Variants in MLXIP observed in about 807,000 individuals in gnomAD.
The protein encoded by MLXIP is MLX interacting protein.
In MLXIP, 30 loss-of-function variants were observed where a neutral mutation model predicts 87.2. The observed-to-expected ratio is 0.34, with a 90% CI of 0.26 to 0.47. MLXIP has a LOEUF of 0.47. MLXIP is among the 20% of genes least tolerant of loss of function. MLXIP has a pLI of 1.00. For missense variants in MLXIP, 1,002 were observed against 1,240.1 expected (o/e 0.81, Z 2.88); for synonymous variants, 530 against 514.0 (o/e 1.03, Z -0.42).
intron 1 of MLXIP, among the ~76,000 whole-genome samples, chr12:122,094,669 GGT>G (rs1191856533): frequency 1.4e-5 from 2 of 144,960 alleles, no homozygotes; most frequent in Admixed American, 6.9e-5. Context: ...TGTGTGTGCA[GGT>G]GTGTGTGCGA....
At chr12:122,104,575 C>CTTTTTTTTT (rs751931978) in intron 1 of MLXIP, among the ~76,000 whole-genome samples, 1 of 91,296 alleles carries the variant, frequency 1.1e-5, no homozygotes, top group Non-Finnish European at 2.1e-5. Context: ...ATTACCTTTT[C>CTTTTTTTTT]TTTTTTTTTT....
rs2135990992 is a variant in MLXIP at position 122,137,937 on chromosome 12, C to G, written c.2155-257C>G. Reference sequence around the variant, plus strand: ...GGCTGGGTGGGGAAGGCGGAGCTTGCAGCACCTGGGATGCACCGGTTCAGC... The same window carrying G: ...GGCTGGGTGGGGAAGGCGGAGCTTGGAGCACCTGGGATGCACCGGTTCAGC... On this transcript the variant is annotated intron_variant, in intron 12 of 16. Transcript: ENST00000319080. This position sits in a 1 kb window ranked among gnomAD's most constrained non-coding sequence, Gnocchi z 4.1. 6.6e-6 allele frequency among the ~76,000 whole-genome samples: 1 copy of G among 152,328 alleles called. No individual in the cohort carries two copies. Among genetic ancestry groups the G allele is most frequent in the East Asian group, 1.9e-4 (1 of 5,174 alleles).
At chr12:122,093,381 GGT>G (rs1208431968) in intron 1 of MLXIP, among the ~76,000 whole-genome samples, 35 of 146,390 alleles carry the variant, frequency 2.4e-4, no homozygotes, top group African/African-American at 8.8e-4. Flanking sequence ...TGGTGTGTGT[GGT>G]GTGTGGGTGG....
rs767349201 is a variant in MLXIP at position 122,137,453 on chromosome 12, A to G, written c.2033-16A>G. Reference sequence around the variant, plus strand: ...GGGCCAGGCCTCCGCCCCTCAGAGGAGTCTGTTCTTACCAGGTCGGGACTG... The same window carrying G: ...GGGCCAGGCCTCCGCCCCTCAGAGGGGTCTGTTCTTACCAGGTCGGGACTG... On this transcript the variant is annotated splice_polypyrimidine_tract_variant and intron_variant, in intron 11 of 16. Transcript: ENST00000319080. The surrounding 1 kb of genome is among the most constrained non-coding windows in gnomAD (Gnocchi z 4.1). 2 of 1,611,674 alleles carry G rather than the reference A, an allele frequency of 1.2e-6. No individual in the cohort carries two copies. Among genetic ancestry groups the G allele is most frequent in the Admixed American group, 1.7e-5 (1 of 59,726 alleles).
In MLXIP at chr12:122,139,174, C is replaced by T. The variant is rs1313697022; in HGVS notation, c.2508+236C>T. Among the ~76,000 whole-genome samples, 5 of 152,130 alleles carry T rather than the reference C, an allele frequency of 3.3e-5. No individual in the cohort carries two copies. In the South Asian group the frequency reaches 6.2e-4, roughly 19 times the overall value. ...TGCAGGAAGGGCTAGGGAGGTAGAA[C>T]GGTGGGCTTCGCTCTCTAGGTCCTT... On this transcript the variant is annotated intron_variant, in intron 15 of 16. Coordinates refer to ENST00000319080, the MANE Select transcript of MLXIP (RefSeq NM_014938.6).
At chr12:122,128,142 C>T in intron 3 of MLXIP, 174 bp downstream of exon 3, 2 of 597,868 alleles carry the variant, frequency 3.3e-6, no homozygotes, top group Non-Finnish European at 6.0e-6. Context: ...CTGGCAACCC[C>T]AGGCTGCAGA....
chr12:122,113,724 G>T (rs1203201162), intron 1 of MLXIP, among the ~76,000 whole-genome samples: 1 of 114,692 alleles, frequency 8.7e-6, no homozygotes, highest in Admixed American at 1.3e-4. Flanking sequence ...TCGCTCTGTC[G>T]CCCAGGCTGG....
intron 1 of MLXIP, among the ~76,000 whole-genome samples, chr12:122,080,151 T>C (rs1655885382): frequency 6.6e-6 from 1 of 152,130 alleles, no homozygotes; most frequent in South Asian, 2.1e-4. Flanking sequence ...CTATGAATAT[T>C]AGGTATTTGC....
In MLXIP at chr12:122,137,574, A is replaced by T; in HGVS notation, c.2138A>T (p.Asn713Ile). Residue 713 changes from asparagine to isoleucine, a missense_variant, in exon 12 of 17, where the codon AAT (asparagine) becomes ATT (isoleucine). Physicochemically the swap from Asn to Ile is moderately radical, Grantham distance 149. This residue lies in a region of MLXIP where 746 missense variants were observed against 897.0 expected (regional missense o/e 0.83). Transcript: ENST00000319080. The surrounding 1 kb of genome is among the most constrained non-coding windows in gnomAD (Gnocchi z 4.1). ...NNCSGKSDPK[N>I]VAALKNRQMK... The stretch of plus-strand genomic sequence containing the variant: ...TGCTCAGGGAAATCCGACCCCAAAA[A>T]TGTGGCTGCACTAAAGGTACCGCAT... 1 of 1,613,958 alleles carries T rather than the reference A, an allele frequency of 6.2e-7. No individual in the cohort carries two copies. Among genetic ancestry groups the T allele is most frequent in the South Asian group, 1.1e-5 (1 of 91,076 alleles).
In MLXIP at chr12:122,138,525, G is replaced by T. The variant is rs1201522853; in HGVS notation, c.2358G>T (p.Glu786Asp). Residue 786 changes from glutamate (E) to aspartate (D), a missense_variant, in exon 14 of 17, where the codon GAG becomes GAT. Coordinates refer to ENST00000319080, the MANE Select transcript of MLXIP (RefSeq NM_014938.6). Reference protein sequence around the residue: ...MQEEARRLREEIEELNATIIS... With the variant: ...MQEEARRLREDIEELNATIIS... ...AGGAGGCCCGGCGGCTGCGGGAGGA[G>T]ATCGAGGAGCTCAATGCCACCATCA... 1 of 1,613,278 alleles carries T rather than the reference G, an allele frequency of 6.2e-7. No homozygotes were observed.
chr12:122,135,146 G>A lies in MLXIP; in HGVS notation c.1733-78G>A, dbSNP rs1386599844. 2.6e-6 allele frequency: 4 copies of A among 1,551,504 alleles called. No homozygotes were observed. Among genetic ancestry groups the A allele is most frequent in the South Asian group, 2.3e-5 (2 of 85,590 alleles). ...GGGTTGAGAACAAGCTGTCTCACTG[G>A]CAGAGAGGCAGCCTCTGCAGGGTGG... On this transcript the variant is annotated intron_variant, in intron 9 of 16. Coordinates refer to ENST00000319080, the MANE Select transcript of MLXIP (RefSeq NM_014938.6). This position sits in a 1 kb window ranked among gnomAD's most constrained non-coding sequence, Gnocchi z 5.3.
Position 122,078,943 on chromosome 12 carries a change from C to T in MLXIP, c.90C>T (p.Asp30=). The change falls in exon 1 of 17, where the codon GAC becomes GAT. Residue 30 remains aspartate (D), a synonymous_variant. Transcript: ENST00000319080. ...VLLKPQVSED[D]DDSDTDEPSP... ...TCAAGCCCCAGGTGTCCGAGGACGA[C>T]GACGACTCGGACACGGATGAGCCGT... is the stretch of plus-strand genomic sequence containing the variant. The T allele has an allele frequency of 8.9e-7, 1 of 1,119,686 alleles. No individual in the cohort carries two copies. Among genetic ancestry groups the T allele is most frequent in the Admixed American group, 4.4e-5 (1 of 22,566 alleles). The allele number at this position is 1,119,686 out of a possible 1,614,324, so 69.4% of individuals were successfully genotyped here. A position where few individuals can be genotyped will look rare whatever the true frequency, so the allele number is the denominator to read the frequency against.
chr12:122,113,677 A>ATTTTTTTT (rs1305197741), intron 1 of MLXIP, among the ~76,000 whole-genome samples: 1 of 87,946 alleles, frequency 1.1e-5, no homozygotes, highest in African/African-American at 4.9e-5. Flanking sequence ...AACTGCCTTC[A>ATTTTTTTT]TTTCTTTTTT....
intron 1 of MLXIP, among the ~76,000 whole-genome samples, chr12:122,079,572 T>G (rs139533531): frequency 3.7e-4 from 57 of 152,340 alleles, no homozygotes; most frequent in African/African-American, 1.1e-3. Flanking sequence ...CTGCATCTTG[T>G]GTTACCCGAC....
chr12:122,123,610 G>A (rs879408812), intron 1 of MLXIP, among the ~76,000 whole-genome samples: 42 of 152,226 alleles, frequency 2.8e-4, no homozygotes, highest in Non-Finnish European at 4.9e-4. Context: ...CCCTCATTGT[G>A]TGTGATTAAA....
chr12:122,134,186 T>A (rs973630657), intron 9 of MLXIP, 199 bp downstream of exon 9: 1 of 654,840 alleles, frequency 1.5e-6, no homozygotes, highest in Non-Finnish European at 2.3e-6. Context: ...ATGCTCTATC[T>A]TTTTTGTTTT....
rs867669696 is a variant in MLXIP, at chr12:122,078,770, C to T, written c.-84C>T. The T allele has an allele frequency of 5.0e-6, 5 of 1,004,978 alleles. No homozygotes were observed. Among genetic ancestry groups the T allele is most frequent in the East Asian group, 9.6e-5 (1 of 10,374 alleles). The allele number at this position is 1,004,978 out of a possible 1,614,324, so 62.3% of individuals were successfully genotyped here. A position where few individuals can be genotyped will look rare whatever the true frequency, so the allele number is the denominator to read the frequency against. ...CGCTCGCGGACAGTCGGCGCGCGGG[C>T]CGGGCCGGGCCGGCGCCCCTCTGCC... On this transcript the variant is annotated 5_prime_UTR_variant, in exon 1 of 17. Transcript: ENST00000319080.
chr12:122,081,520 G>A (rs1256817543), intron 1 of MLXIP, among the ~76,000 whole-genome samples: 2 of 152,160 alleles, frequency 1.3e-5, no homozygotes, highest in Non-Finnish European at 2.9e-5. Flanking sequence ...TTCAGGGAAG[G>A]AAGGTTGAGA....
At chr12:122,081,374 A>G (rs972892050) in intron 1 of MLXIP, among the ~76,000 whole-genome samples, 8 of 152,200 alleles carry the variant, frequency 5.3e-5, no homozygotes, top group Admixed American at 3.3e-4. Context: ...TTTAGTTGGC[A>G]GTGTAGAACT....
Sources: allele counts gnomAD v4.1 joint callset (sites outside exome capture counted in the v4.1 genomes callset), GRCh38; gene constraint gnomAD v4.1.1; regional missense constraint gnomAD v4.1.1; non-coding constraint Gnocchi (gnomAD v3.1); transcripts MANE v1.5; gene names NCBI Gene and HGNC (gene_info 2026-07-23, HGNC 2026-07-21).